The following HERC2 variants were observed in gnomAD, a reference collection of about 807,000 sequenced individuals.
The protein encoded by HERC2 is HECT and RLD domain containing E3 ubiquitin protein ligase 2.
A neutral mutation model predicts 537.7 loss-of-function variants in HERC2; 102 were observed. The ratio of observed to expected loss-of-function variants is 0.19; its 90% confidence interval spans 0.16 to 0.22. The LOEUF (loss-of-function observed/expected upper bound fraction) is 0.22. Among genes scored for constraint, HERC2 ranks in the 10% least tolerant of loss-of-function variants. The pLI, the probability that HERC2 is intolerant of heterozygous loss-of-function variation, is 1.00. For synonymous variants in HERC2, 2,224 were observed against 2,466.2 expected (o/e 0.90, Z 2.91); for missense variants, 4,236 against 6,198.2 (o/e 0.68, Z 10.63).
At chr15:28,252,226 G>A (rs1042290948) in intron 20 of HERC2, among the ~76,000 whole-genome samples, 2 of 152,064 alleles carry the variant, frequency 1.3e-5, no homozygotes, top group African/African-American at 4.8e-5. Flanking sequence ...ACGGGCCAGC[G>A]CAGGCTACAC....
At chr15:28,195,366 C>G (rs767075671) in intron 52 of HERC2, among the ~76,000 whole-genome samples, 7 of 151,982 alleles carry the variant, frequency 4.6e-5, no homozygotes, top group Non-Finnish European at 7.4e-5. Context: ...GAGGCTGAGA[C>G]AGGAGAATTG....
At chr15:28,235,286 A>G (rs1225272951) in intron 26 of HERC2, among the ~76,000 whole-genome samples, 1 of 152,026 alleles carries the variant, frequency 6.6e-6, no homozygotes, top group Non-Finnish European at 1.5e-5. Context: ...TACTGCTCCA[A>G]GATAAGCCTC....
At chr15:28,208,723 G>C (rs1199811238) in intron 44 of HERC2, among the ~76,000 whole-genome samples, 1 of 152,092 alleles carries the variant, frequency 6.6e-6, no homozygotes, top group East Asian at 1.9e-4. Context: ...CTCTCCTCCT[G>C]GTCCACCACC....
chr15:28,292,598 T>G (rs1234049736), intron 4 of HERC2, among the ~76,000 whole-genome samples: 1 of 151,938 alleles, frequency 6.6e-6, no homozygotes, highest in Admixed American at 6.6e-5. Context: ...GGGAGATCCC[T>G]TGAAGCCAGG....
At position 28,116,738 on chromosome 15, in the gene HERC2, C is replaced by T; in HGVS notation, c.13536G>A (p.Gly4512=). The T allele has an allele frequency of 6.2e-7, 1 of 1,613,954 alleles. No individual in the cohort carries two copies. The highest frequency in any genetic ancestry group is 8.5e-7 in the Non-Finnish European group (1 of 1,180,016). The change falls in exon 88 of 93, where the codon GGG becomes GGA. Residue 4512 remains glycine, a synonymous_variant. Coordinates refer to ENST00000261609, the MANE Select transcript of HERC2 (RefSeq NM_004667.6). Reference sequence around the variant, plus strand: ...TGAGCAGGTAGCAGTCTCGGTTGGCCCCAGACTCATCCCTCCCGTTGGGTG... The same window carrying T: ...TGAGCAGGTAGCAGTCTCGGTTGGCTCCAGACTCATCCCTCCCGTTGGGTG... The part of the protein sequence containing the change: ...IVTPNGRDES[G]ANRDCYLLSP...
chr15:28,161,494 A>C (rs1021354019), intron 69 of HERC2, among the ~76,000 whole-genome samples: 1 of 152,228 alleles, frequency 6.6e-6, no homozygotes, highest in Admixed American at 6.5e-5. Context: ...AGAGTTCTTA[A>C]GGAAGCCCAC....
At chr15:28,164,320 G>A (rs531399429) in intron 68 of HERC2, among the ~76,000 whole-genome samples, 69 of 152,238 alleles carry the variant, frequency 4.5e-4, no homozygotes, top group African/African-American at 1.6e-3. Flanking sequence ...CCAACCAGTG[G>A]ACCCTGGAAA....
At position 28,141,520 on chromosome 15, in the gene HERC2, G is replaced by C. The variant is rs765870704; in HGVS notation, c.11927C>G (p.Pro3976Arg). ...GGIEGAKVKV[P>R]TPCEALATLR... is the part of the protein sequence containing the mutation. The stretch of plus-strand genomic sequence containing the variant: ...AGTTGCAAGGGCTTCACAGGGAGTG[G>C]GAACTTTGACTTTTGCGCCTTCAAT... The change falls in exon 78 of 93, where the codon CCC becomes CGC. Residue 3976 changes from proline (P) to arginine (R), a missense_variant. Around this residue, in one of 27 missense-constraint regions of HERC2, gnomAD observed 156 missense variants for 172.3 expected, o/e 0.91. Coordinates refer to ENST00000261609, the MANE Select transcript of HERC2 (RefSeq NM_004667.6). The C allele has an allele frequency of 6.2e-7, 1 of 1,614,128 alleles. No individual in the cohort carries two copies. Among genetic ancestry groups the C allele is most frequent in the Admixed American group, 1.7e-5 (1 of 60,020 alleles).
At chr15:28,272,554 T>G (rs1233138183) in intron 8 of HERC2, among the ~76,000 whole-genome samples, 168 bp from the exon 9 acceptor site, 1 of 152,138 alleles carries the variant, frequency 6.6e-6, no homozygotes. Flanking sequence ...ACACCAAGAC[T>G]TTAGCACAAG....
chr15:28,131,089 C>T (rs1020517201), intron 81 of HERC2, among the ~76,000 whole-genome samples: 1 of 152,188 alleles, frequency 6.6e-6, no homozygotes, highest in African/African-American at 2.4e-5. Context: ...CAAGCTGCTC[C>T]TCATGACCTC....
At position 28,175,690 on chromosome 15, in the gene HERC2, C is replaced by T. The variant is rs550715653; in HGVS notation, c.9687-34G>A. ...AGGCCCATGGTGGAGAGTTACAATACGGTTATGGTCTGACAATGCTATACA... is the reference window on the plus strand; with the variant it reads ...AGGCCCATGGTGGAGAGTTACAATATGGTTATGGTCTGACAATGCTATACA... On this transcript the variant is annotated intron_variant, in intron 63 of 92. Transcript: ENST00000261609. The T allele has an allele frequency of 1.1e-5, 17 of 1,610,076 alleles. No homozygotes were observed. The African/African-American group carries it at 1.2e-4, about 11-fold the overall frequency.
At chr15:28,166,354 G>A (rs1482035043) in intron 68 of HERC2, among the ~76,000 whole-genome samples, 2 of 152,218 alleles carry the variant, frequency 1.3e-5, no homozygotes, top group African/African-American at 2.4e-5. Flanking sequence ...AATAAGCCCT[G>A]TGGTACTGGA....
In HERC2 at chr15:28,121,366, C is replaced by A. The variant is rs755345293; in HGVS notation, c.13252G>T (p.Val4418Leu). The stretch of plus-strand genomic sequence containing the variant: ...GCTACCTGGATGCGGTTCAGCTCCA[C>A]GACGGGGCCATGCTGACGATCGCGT... Reference protein sequence around the residue: ...MVRDRQHGPVVELNRIQVKRS... With the variant: ...MVRDRQHGPVLELNRIQVKRS... Residue 4418 changes from valine (V) to leucine (L), a missense_variant, in exon 86 of 93, where the codon GTG becomes TTG. By Grantham distance (32) the Val-to-Leu change is conservative. Coordinates refer to ENST00000261609, the MANE Select transcript of HERC2 (RefSeq NM_004667.6). The A allele has an allele frequency of 1.2e-6, 2 of 1,614,162 alleles. No individual in the cohort carries two copies. The highest frequency in any genetic ancestry group is 2.2e-5 in the South Asian group (2 of 91,078).
At chr15:28,170,395 G>C (rs1181599220) in intron 65 of HERC2, among the ~76,000 whole-genome samples, 2 of 152,174 alleles carry the variant, frequency 1.3e-5, no homozygotes, top group African/African-American at 4.8e-5. Context: ...GTTGACAAAC[G>C]TGCAAAAGCA....
At chr15:28,214,466 C>T (rs1261855431) in intron 40 of HERC2, among the ~76,000 whole-genome samples, 189 bp downstream of exon 40, 6 of 148,874 alleles carry the variant, frequency 4.0e-5, no homozygotes, top group Middle Eastern at 7.1e-3. Context: ...GAGACGGCCA[C>T]GCACCTCTGA....
chr15:28,247,459 A>C, intron 21 of HERC2, among the ~76,000 whole-genome samples: 3 of 102,342 alleles, frequency 2.9e-5, no homozygotes, highest in Non-Finnish European at 3.6e-5. Context: ...ACCGAGTTTC[A>C]CTCTTGTCGC....
At chr15:28,139,453 A>G (rs1890970442) in intron 78 of HERC2, among the ~76,000 whole-genome samples, 1 of 152,232 alleles carries the variant, frequency 6.6e-6, no homozygotes, top group South Asian at 2.1e-4. Context: ...GCCTCAGCCC[A>G]AAGTTCCATG....
At position 28,288,812 on chromosome 15, in the gene HERC2, C is replaced by G. The variant is rs141732765; in HGVS notation, c.322+4076G>C. Reference sequence around the variant, plus strand: ...GCAGTGAGCTGAGATTGTGCCATTACACTCCAGTCTGGGCAACAACAGCAA... The same window carrying G: ...GCAGTGAGCTGAGATTGTGCCATTAGACTCCAGTCTGGGCAACAACAGCAA... On this transcript the variant is annotated intron_variant, in intron 4 of 92. Transcript: ENST00000261609. Among the ~76,000 whole-genome samples the G allele has an allele frequency of 6.1e-3, 911 of 148,994 alleles. 4 individuals are homozygous for G. The highest frequency in any genetic ancestry group is 9.7e-3 in the Non-Finnish European group (657 of 67,588).
intron 17 of HERC2, among the ~76,000 whole-genome samples, chr15:28,256,743 C>G (rs76654715): frequency 6.6e-6 from 1 of 152,022 alleles, no homozygotes; most frequent in Non-Finnish European, 1.5e-5. Context: ...TACAGGCGCC[C>G]GCCACCACAA....
Sources: gnomAD v4.1 joint callset for allele counts (sites outside exome capture counted in the v4.1 genomes callset) on GRCh38, gnomAD v4.1.1 for gene constraint, gnomAD v4.1.1 regional missense constraint, MANE v1.5 for transcripts, NCBI Gene and HGNC (gene_info 2026-07-23, HGNC 2026-07-21) for gene names.